The following TMEM62 variants were observed in gnomAD, a reference collection of about 807,000 sequenced individuals.
TMEM62 encodes transmembrane protein 62.
A neutral mutation model predicts 70.4 loss-of-function variants in TMEM62; 41 were observed. The observed-to-expected ratio is 0.58, with a 90% CI of 0.45 to 0.76. TMEM62 has a LOEUF of 0.76. Among genes scored for constraint, TMEM62 ranks in the 30% least tolerant of loss-of-function variants. The pLI, the probability that TMEM62 is intolerant of heterozygous loss-of-function variation, is 0.00. For missense variants in TMEM62, 688 were observed against 788.5 expected (o/e 0.87, Z 1.53); for synonymous variants, 268 against 291.0 (o/e 0.92, Z 0.80).
chr15:43,141,750 G>A (rs1191361424), intron 4 of TMEM62, among the ~76,000 whole-genome samples: 1 of 152,222 alleles, frequency 6.6e-6, no homozygotes, highest in Non-Finnish European at 1.5e-5. Context: ...ATTAAGAACA[G>A]TTGCAATTAA....
intron 11 of TMEM62, among the ~76,000 whole-genome samples, chr15:43,171,952 C>A (rs987609965): frequency 7.2e-5 from 11 of 151,856 alleles, no homozygotes; most frequent in Admixed American, 5.3e-4. Context: ...TTTTTAGTAA[C>A]CTTAAGCTTT....
chr15:43,142,164 CTTTTTT>C (rs56110605), intron 4 of TMEM62, among the ~76,000 whole-genome samples: 2 of 83,618 alleles, frequency 2.4e-5, no homozygotes, highest in Non-Finnish European at 2.5e-5. Context: ...TAGAGAAATT[CTTTTTT>C]TTTTTTTTTT....
chr15:43,165,035 GTAGTCTTAT>G (rs2039217870), intron 10 of TMEM62, among the ~76,000 whole-genome samples: 1 of 152,016 alleles, frequency 6.6e-6, no homozygotes, highest in Admixed American at 6.6e-5. Context: ...ATGCCGTTAG[GTAGTCTTAT>G]TTGGGTTAAA....
chr15:43,177,496 A>C (rs1372495328), intron 11 of TMEM62, among the ~76,000 whole-genome samples: 1 of 152,104 alleles, frequency 6.6e-6, no homozygotes, highest in Non-Finnish European at 1.5e-5. Flanking sequence ...CCATCCCATT[A>C]CTGGGTATAT....
At chr15:43,166,557 CTTTT>C (rs1163961554) in intron 10 of TMEM62, among the ~76,000 whole-genome samples, 1 of 132,008 alleles carries the variant, frequency 7.6e-6, no homozygotes. Flanking sequence ...TGAGGTTTTT[CTTTT>C]TTTTTTTTTT....
At chr15:43,183,874 A>G (rs1484101787) in intron 13 of TMEM62, among the ~76,000 whole-genome samples, 2 of 152,176 alleles carry the variant, frequency 1.3e-5, no homozygotes, top group Non-Finnish European at 1.5e-5. Context: ...CTCAAACAAA[A>G]ATGGAGGTAA....
intron 3 of TMEM62, 62 bp downstream of exon 3, chr15:43,135,711 A>T: frequency 2.0e-6 from 3 of 1,503,558 alleles, no homozygotes; most frequent in Non-Finnish European, 2.6e-6. Flanking sequence ...AGGAACCTAG[A>T]TTTTCCAACT....
chr15:43,174,034 A>AT (rs74338609), intron 11 of TMEM62, among the ~76,000 whole-genome samples: 18 of 146,728 alleles, frequency 1.2e-4, no homozygotes, highest in South Asian at 2.2e-4. Flanking sequence ...TAATTTTTGT[A>AT]TTTTTTTTTT....
At chr15:43,149,183 T>C (rs976675385) in intron 7 of TMEM62, 32 bp downstream of exon 7, 22 of 1,604,318 alleles carry the variant, frequency 1.4e-5, no homozygotes, top group Middle Eastern at 1.7e-4. Context: ...AGAAAACTTA[T>C]ACACATAAGT....
intron 4 of TMEM62, among the ~76,000 whole-genome samples, chr15:43,143,703 T>C (rs1216393580): frequency 2.0e-5 from 3 of 152,210 alleles, no homozygotes; most frequent in East Asian, 1.9e-4. Context: ...TCCTGTGTCA[T>C]ACAAATATTA....
intron 9 of TMEM62, among the ~76,000 whole-genome samples, chr15:43,157,822 C>G (rs916319523): frequency 6.6e-6 from 1 of 152,004 alleles, no homozygotes; most frequent in South Asian, 2.1e-4. Context: ...ATTTAATGTT[C>G]GGTTATCCCA....
intron 10 of TMEM62, among the ~76,000 whole-genome samples, chr15:43,161,963 G>C (rs2038758114): frequency 6.6e-6 from 1 of 151,460 alleles, no homozygotes; most frequent in Non-Finnish European, 1.5e-5. Context: ...TGCCCAGCTT[G>C]TATATGTATT....
At chr15:43,165,146 T>C (rs891270273) in intron 10 of TMEM62, among the ~76,000 whole-genome samples, 12 of 152,192 alleles carry the variant, frequency 7.9e-5, no homozygotes, top group African/African-American at 2.7e-4. Flanking sequence ...TTGAATAAAC[T>C]TCCTACTCTG....
At chr15:43,145,626 G>T (rs1267762526) in intron 4 of TMEM62, among the ~76,000 whole-genome samples, 1 of 152,052 alleles carries the variant, frequency 6.6e-6, no homozygotes, top group Admixed American at 6.6e-5. Context: ...ATTTACTCGG[G>T]TTACATTATA....
At chr15:43,179,559 ATC>A (rs2041144086) in intron 12 of TMEM62, among the ~76,000 whole-genome samples, 1 of 152,246 alleles carries the variant, frequency 6.6e-6, no homozygotes, top group Non-Finnish European at 1.5e-5. Flanking sequence ...CTAAGGACAC[ATC>A]TCTCAGAATG....
intron 8 of TMEM62, among the ~76,000 whole-genome samples, chr15:43,153,459 C>T (rs1463955519): frequency 6.6e-6 from 1 of 152,174 alleles, no homozygotes; most frequent in Non-Finnish European, 1.5e-5. Flanking sequence ...TCTCCCACAG[C>T]CCCTGGCAAC....
chr15:43,165,641 G>A (rs933832261), intron 10 of TMEM62, among the ~76,000 whole-genome samples: 3 of 151,912 alleles, frequency 2.0e-5, no homozygotes, highest in Admixed American at 2.0e-4. Context: ...GCTGAGGCAG[G>A]AGAATGGCAT....
At position 43,154,781 on chromosome 15, in the gene TMEM62, A is replaced by C. The variant is rs1013142818; in HGVS notation, c.1132A>C (p.Asn378His). ...VSGPIFVLKW[N>H]PRNYSSGTHN... Reference sequence around the variant, plus strand: ...TGGTCCCATTTTCGTACTGAAGTGGAATCCTAGAAACTACAGTAGTGGGAC... The same window carrying C: ...TGGTCCCATTTTCGTACTGAAGTGGCATCCTAGAAACTACAGTAGTGGGAC... Residue 378 changes from asparagine to histidine, a missense_variant, in exon 9 of 14, where the codon AAT (asparagine) becomes CAT (histidine). Coordinates refer to ENST00000260403, the MANE Select transcript of TMEM62 (RefSeq NM_024956.4). 6.2e-7 allele frequency: 1 copy of C among 1,613,962 alleles called. No homozygotes were observed. The highest frequency in any genetic ancestry group is 1.3e-5 in the African/African-American group (1 of 75,056).
chr15:43,146,318 G>A (rs1050137230), intron 4 of TMEM62, 175 bp from the exon 5 acceptor site: 3 of 567,356 alleles, frequency 5.3e-6, no homozygotes, highest in Non-Finnish European at 8.9e-6. Context: ...TGGGGACAAT[G>A]GGAGAAAAAC....
Sources: allele counts gnomAD v4.1 joint callset (sites outside exome capture counted in the v4.1 genomes callset), GRCh38; gene constraint gnomAD v4.1.1; transcripts MANE v1.5; gene names NCBI Gene and HGNC (gene_info 2026-07-23, HGNC 2026-07-21).